The following ELMOD1 variants were observed in gnomAD, a reference collection of about 807,000 sequenced individuals.
ELMOD1 encodes ELMO domain-containing protein 1.
Under a neutral mutation model 46.7 loss-of-function variants are expected in ELMOD1, and 21 were observed. That is an observed-to-expected ratio of 0.45 (90% CI 0.32 to 0.65). ELMOD1 has a LOEUF of 0.65. Among genes scored for constraint, ELMOD1 ranks in the 30% least tolerant of loss-of-function variants. The probability of loss-of-function intolerance (pLI) is 0.04; values close to 1 mark genes in which losing one functional copy is unlikely to be tolerated. For synonymous variants in ELMOD1, 122 were observed against 138.2 expected, an observed-to-expected ratio of 0.88 and a Z score of 0.82; for missense variants, 348 against 407.8, an observed-to-expected ratio of 0.85 and a Z score of 1.26.
chr11:107,635,599 C>A, intron 5 of ELMOD1, 37 bp from the exon 6 acceptor site: 1 of 1,597,896 alleles, frequency 6.3e-7, no homozygotes, highest in South Asian at 1.1e-5. Context: ...ATGCCCTGTT[C>A]TTCCTTGTGT....
In ELMOD1 at chr11:107,629,246, T is replaced by C. The variant is rs74917240; in HGVS notation, c.18-1171T>C. Among the ~76,000 whole-genome samples, 1,123 of 152,304 alleles carry C rather than the reference T, an allele frequency of 7.4e-3. 10 individuals carry two copies. The highest frequency in any genetic ancestry group is 0.026 in the African/African-American group (1,065 of 41,558). ...AACACGGTCAAGGTTTTGATTCTTT[T>C]TCAGGGATGGATCACATTGTAGAGG... On this transcript the variant is annotated intron_variant, in intron 2 of 11. Coordinates refer to ENST00000265840, the MANE Select transcript of ELMOD1 (RefSeq NM_018712.4).
rs1866305027 is a variant in ELMOD1, at chr11:107,640,638, CT to C, written c.420+4878del. Among the ~76,000 whole-genome samples the C allele has an allele frequency of 2.0e-5, 3 of 151,892 alleles. No homozygotes were observed. In the East Asian group the frequency reaches 5.8e-4, roughly 29 times the overall value. ...ATTTTTGTCTTAATTTCAAAATAACCTTTTTAATGAAAAAGAAGTTCCTCAT... is the reference window on the plus strand; with the variant it reads ...ATTTTTGTCTTAATTTCAAAATAACCTTTTAATGAAAAAGAAGTTCCTCAT... On this transcript the variant is annotated intron_variant, in intron 6 of 11. Coordinates refer to ENST00000265840, the MANE Select transcript of ELMOD1 (RefSeq NM_018712.4).
At chr11:107,642,374 C>G (rs1039966320) in intron 6 of ELMOD1, among the ~76,000 whole-genome samples, 5 of 150,214 alleles carry the variant, frequency 3.3e-5, no homozygotes, top group African/African-American at 1.2e-4. Flanking sequence ...ATCTTATTTA[C>G]TTATTTATTT....
At chr11:107,654,309 A>G (rs1342911038) in intron 10 of ELMOD1, 87 bp downstream of exon 10, 3 of 1,130,266 alleles carry the variant, frequency 2.7e-6, no homozygotes, top group Middle Eastern at 1.9e-4. Flanking sequence ...CAAGGGTGAA[A>G]CTCTACTTGT....
At chr11:107,618,590 A>T (rs1865898488) in intron 2 of ELMOD1, among the ~76,000 whole-genome samples, 1 of 152,210 alleles carries the variant, frequency 6.6e-6, no homozygotes, top group Non-Finnish European at 1.5e-5. Flanking sequence ...CCTTTTAAAT[A>T]TCCTTTAATT....
At chr11:107,623,603 A>C (rs989333910) in intron 2 of ELMOD1, 14 of 152,234 alleles carry the variant, frequency 9.2e-5, no homozygotes, top group African/African-American at 3.4e-4. Flanking sequence ...GGGATGGTGG[A>C]GCTGGCTTTC....
At chr11:107,606,235 T>A (rs1865683371) in intron 1 of ELMOD1, among the ~76,000 whole-genome samples, 1 of 152,204 alleles carries the variant, frequency 6.6e-6, no homozygotes, top group Admixed American at 6.5e-5. Flanking sequence ...TTATCTCAAT[T>A]TGCTAATTCA....
chr11:107,650,288 C>G, intron 7 of ELMOD1, 47 bp from the exon 8 acceptor site: 1 of 1,322,694 alleles, frequency 7.6e-7, no homozygotes, highest in Non-Finnish European at 1.1e-6. Context: ...ATATATTCAG[C>G]GAGTAAGCAA....
At chr11:107,630,804 G>A in intron 4 of ELMOD1, 76 bp downstream of exon 4, 1 of 1,452,146 alleles carries the variant, frequency 6.9e-7, no homozygotes, top group South Asian at 1.3e-5. Context: ...AAAATTCTAA[G>A]AAACCAAAAT....
chr11:107,591,697 C>G (rs1865395451), intron 1 of ELMOD1: 1 of 368,260 alleles, frequency 2.7e-6, no homozygotes, highest in Non-Finnish European at 5.6e-6. Context: ...TCGGCCCGGG[C>G]GTAGGTCGCC....
chr11:107,638,468 G>C (rs1340362036), intron 6 of ELMOD1, among the ~76,000 whole-genome samples: 1 of 152,084 alleles, frequency 6.6e-6, no homozygotes, highest in East Asian at 1.9e-4. Context: ...AGCTCACATA[G>C]GGTGGTAGCT....
At chr11:107,603,267 A>G (rs145859941) in intron 1 of ELMOD1, among the ~76,000 whole-genome samples, 31 of 152,356 alleles carry the variant, frequency 2.0e-4, no homozygotes, top group African/African-American at 6.7e-4. Context: ...GGCTGGGCAC[A>G]GTGGCTCACG....
chr11:107,650,213 A>G, intron 7 of ELMOD1, 122 bp from the exon 8 acceptor site: 2 of 626,184 alleles, frequency 3.2e-6, no homozygotes, highest in East Asian at 5.6e-5. Flanking sequence ...GAGCTGAAAC[A>G]AGTGATAACC....
At chr11:107,635,309 C>T (rs1455246542) in intron 5 of ELMOD1, among the ~76,000 whole-genome samples, 1 of 152,110 alleles carries the variant, frequency 6.6e-6, no homozygotes, top group Non-Finnish European at 1.5e-5. Context: ...GAGATAGGAT[C>T]TTGCTTTGTT....
intron 11 of ELMOD1, among the ~76,000 whole-genome samples, 195 bp from the exon 12 acceptor site, chr11:107,664,830 G>T (rs1866813269): frequency 6.6e-6 from 1 of 152,150 alleles, no homozygotes; most frequent in Non-Finnish European, 1.5e-5. Flanking sequence ...AAAGCTTGCA[G>T]ATTGGTAGGC....
In ELMOD1 at chr11:107,650,358, C is replaced by A; in HGVS notation, c.578C>A (p.Thr193Lys). Residue 193 changes from threonine to lysine, a missense_variant, in exon 8 of 12, where the codon ACA becomes AAA. By Grantham distance (78) the Thr-to-Lys change is moderately conservative. Coordinates refer to ENST00000265840, the MANE Select transcript of ELMOD1 (RefSeq NM_018712.4). The part of the protein sequence containing the change: ...NLQYFAERDA[T>K]AAQQVLSDSL... The stretch of plus-strand genomic sequence containing the variant: ...AGGTATTTCGCGGAAAGGGATGCCA[C>A]AGCAGCTCAGCAGGTCCTGTCTGAC... 6.3e-7 allele frequency: 1 copy of A among 1,591,662 alleles called. No homozygotes were observed. Among genetic ancestry groups the A allele is most frequent in the Non-Finnish European group, 8.6e-7 (1 of 1,168,202 alleles).
chr11:107,615,898 G>C (rs7943986), intron 1 of ELMOD1, among the ~76,000 whole-genome samples: 83,117 of 150,272 alleles, frequency 0.55, 23,499 homozygotes, highest in East Asian at 0.8. Flanking sequence ...CATCATATCA[G>C]GTCAAGGTTA....
chr11:107,641,845 C>G (rs569462017), intron 6 of ELMOD1, among the ~76,000 whole-genome samples: 1 of 150,114 alleles, frequency 6.7e-6, no homozygotes, highest in South Asian at 2.1e-4. Flanking sequence ...TAAGATGGAA[C>G]TATGTACTAC....
intron 5 of ELMOD1, 45 bp downstream of exon 5, chr11:107,631,722 A>T (rs1337375450): frequency 1.8e-6 from 2 of 1,091,076 alleles, no homozygotes; most frequent in East Asian, 2.7e-5. Context: ...CACAAATCAC[A>T]TGGCCACAGG....
Sources: allele counts gnomAD v4.1 joint callset (sites outside exome capture counted in the v4.1 genomes callset), GRCh38; gene constraint gnomAD v4.1.1; transcripts MANE v1.5; gene names NCBI Gene and HGNC (gene_info 2026-07-23, HGNC 2026-07-21).